The following CTBP2 variants were observed in gnomAD, a reference collection of about 807,000 sequenced individuals.
CTBP2 encodes the protein C-terminal binding protein 2.
CTBP2 carries 30 observed loss-of-function variants against 80.3 expected under a neutral mutation model. That is an observed-to-expected ratio of 0.37 (90% CI 0.28 to 0.51). The LOEUF (loss-of-function observed/expected upper bound fraction) is 0.51. CTBP2 is among the 20% of genes least tolerant of loss of function. The pLI, the probability that CTBP2 is intolerant of heterozygous loss-of-function variation, is 0.93. For synonymous variants in CTBP2, 594 were observed against 587.4 expected (o/e 1.01, Z -0.16); for missense variants, 1,212 against 1,375.3 (o/e 0.88, Z 1.88).
chr10:125,104,368 C>T (rs553792267), intron 2 of CTBP2, among the ~76,000 whole-genome samples: 1 of 152,330 alleles, frequency 6.6e-6, no homozygotes, highest in East Asian at 1.9e-4. Flanking sequence ...AATGTTCTAT[C>T]TTTTTGCCAT....
intron 2 of CTBP2, among the ~76,000 whole-genome samples, chr10:125,101,400 C>T (rs1460756081): frequency 2.0e-5 from 3 of 152,250 alleles, no homozygotes; most frequent in East Asian, 1.9e-4. Context: ...ATGTCCATTA[C>T]GAAACAGATG....
At chr10:125,042,490 G>T (rs893425848) in intron 2 of CTBP2, among the ~76,000 whole-genome samples, 6 of 152,252 alleles carry the variant, frequency 3.9e-5, no homozygotes, top group Non-Finnish European at 8.8e-5. Context: ...CAGAGGGAAC[G>T]TGTTTCACTA....
At chr10:125,134,468 G>A (rs533010855) in intron 1 of CTBP2, among the ~76,000 whole-genome samples, 1 of 152,132 alleles carries the variant, frequency 6.6e-6, no homozygotes, top group Non-Finnish European at 1.5e-5. Flanking sequence ...GCTTCAACCA[G>A]GGGAGTTCAC....
At chr10:125,141,218 T>A (rs1011348323) in intron 1 of CTBP2, among the ~76,000 whole-genome samples, 1 of 149,940 alleles carries the variant, frequency 6.7e-6, no homozygotes, top group Admixed American at 6.6e-5. Context: ...TATCCCAGAG[T>A]GCAATAGGGA....
At chr10:125,137,610 G>C (rs1027159733) in intron 1 of CTBP2, among the ~76,000 whole-genome samples, 1 of 152,130 alleles carries the variant, frequency 6.6e-6, no homozygotes, top group African/African-American at 2.4e-5. Context: ...TTTTACATTG[G>C]CTGTGTTTAT....
intron 1 of CTBP2, among the ~76,000 whole-genome samples, chr10:125,123,807 T>C (rs887938599): frequency 6.6e-6 from 1 of 152,340 alleles, no homozygotes; most frequent in African/African-American, 2.4e-5. Context: ...GGAGCGGGCA[T>C]GACTGACTCA....
At chr10:125,131,240 G>A (rs1389305533) in intron 1 of CTBP2, among the ~76,000 whole-genome samples, 1 of 152,214 alleles carries the variant, frequency 6.6e-6, no homozygotes, top group Non-Finnish European at 1.5e-5. Context: ...CACATTCCCA[G>A]AAGCAGAAGA....
At chr10:125,031,432 T>C (rs1034548399), upstream of CTBP2, among the ~76,000 whole-genome samples, 3 of 128,462 alleles carry the variant, frequency 2.3e-5, no homozygotes, top group African/African-American at 9.0e-5. Context: ...CAGGTTGCAG[T>C]GAGCCGAGAC....
rs755754775 is a variant in CTBP2 at position 125,026,130 on chromosome 10, G to A, written c.1630C>T (p.Arg544Cys). 11 of 1,595,318 alleles carry A rather than the reference G, an allele frequency of 6.9e-6. No homozygotes were observed. The highest frequency in any genetic ancestry group is 5.1e-5 in the Admixed American group (3 of 59,316). Reference sequence around the variant, plus strand: ...GACACGATGATGGGTGCCCCTGTGCGCCGGGCCACCTTCTGGTACGGTGAG... The same window carrying A: ...GACACGATGATGGGTGCCCCTGTGCACCGGGCCACCTTCTGGTACGGTGAG... The change falls in exon 1 of 9, where the codon CGC becomes TGC. Residue 544 changes from arginine (R) to cysteine (C), a missense_variant. Physicochemically the swap from Arg to Cys is radical, Grantham distance 180. Transcript: ENST00000309035.
chr10:125,059,661 T>G lies in CTBP2; in HGVS notation c.-101-20506A>C, dbSNP rs1002660636. Among the ~76,000 whole-genome samples, 3 of 152,276 alleles carry G rather than the reference T, an allele frequency of 2.0e-5. No homozygotes were observed. In the South Asian group the frequency reaches 6.2e-4, roughly 32 times the overall value. On this transcript the variant is annotated intron_variant, in intron 2 of 10. Transcript: ENST00000337195. Reference sequence around the variant, plus strand: ...GGACCCATTAGCCTAATGTCCACGCTAAGATTTTCACACTGTTTTTTGACG... The same window carrying G: ...GGACCCATTAGCCTAATGTCCACGCGAAGATTTTCACACTGTTTTTTGACG...
chr10:124,991,523 C>T (rs1322410859), intron 8 of CTBP2, among the ~76,000 whole-genome samples: 1 of 152,196 alleles, frequency 6.6e-6, no homozygotes, highest in African/African-American at 2.4e-5. Context: ...GACCTGCAAG[C>T]ACCGGCATAG....
chr10:124,990,121 T>G (rs1952405627), intron 8 of CTBP2, among the ~76,000 whole-genome samples: 1 of 150,700 alleles, frequency 6.6e-6, no homozygotes, highest in South Asian at 2.1e-4. Context: ...CTCAGCCCAC[T>G]GCAACCTCTG....
chr10:125,009,285 C>T (rs1955597810), intron 1 of CTBP2, among the ~76,000 whole-genome samples: 1 of 152,210 alleles, frequency 6.6e-6, no homozygotes, highest in Admixed American at 6.5e-5. Flanking sequence ...GCTTCATCAG[C>T]CCCTGTGACC....
intron 2 of CTBP2, among the ~76,000 whole-genome samples, chr10:125,104,331 C>T (rs556462751): frequency 6.6e-6 from 1 of 152,302 alleles, no homozygotes; most frequent in Admixed American, 6.5e-5. Flanking sequence ...TGTGTTTTTT[C>T]ATCCTCCCAC....
intron 1 of CTBP2, among the ~76,000 whole-genome samples, chr10:125,112,779 G>C (rs963953361): frequency 6.6e-6 from 1 of 152,206 alleles, no homozygotes; most frequent in Admixed American, 6.5e-5. Context: ...ATACCTAAAA[G>C]AACTTCCCCT....
chr10:125,054,167 G>A (rs911128890), intron 2 of CTBP2, among the ~76,000 whole-genome samples: 1 of 152,234 alleles, frequency 6.6e-6, no homozygotes, highest in Middle Eastern at 3.4e-3. Context: ...CACTGTGGAT[G>A]CCAGAAAAAG....
chr10:125,116,515 C>A (rs1321305409), intron 1 of CTBP2, among the ~76,000 whole-genome samples: 2 of 152,138 alleles, frequency 1.3e-5, no homozygotes, highest in Admixed American at 1.3e-4. Flanking sequence ...AAAAGTGGGA[C>A]CCACAGAAGC....
intron 1 of CTBP2, among the ~76,000 whole-genome samples, chr10:125,117,119 C>CA (rs1213545390): frequency 6.6e-6 from 1 of 152,244 alleles, no homozygotes; most frequent in African/African-American, 2.4e-5. Context: ...TGTGCTCTCC[C>CA]ACAAGGCGAC....
chr10:125,014,670 C>T (rs973674804), intron 1 of CTBP2, among the ~76,000 whole-genome samples: 3 of 152,206 alleles, frequency 2.0e-5, no homozygotes, highest in African/African-American at 7.2e-5. Flanking sequence ...GCAGAACTTG[C>T]CGAGACGGGA....
Sources: gnomAD v4.1 joint callset for allele counts (sites outside exome capture counted in the v4.1 genomes callset) on GRCh38, gnomAD v4.1.1 for gene constraint, MANE v1.5 for transcripts, NCBI Gene and HGNC (gene_info 2026-07-23, HGNC 2026-07-21) for gene names.